Variants in TRPC3 observed in about 807,000 individuals in gnomAD.
TRPC3 encodes transient receptor potential cation channel subfamily C member 3.
In TRPC3, 54 loss-of-function variants were observed where a neutral mutation model predicts 90.9. The ratio of observed to expected loss-of-function variants is 0.59; its 90% CI spans 0.48 to 0.75. The LOEUF (loss-of-function observed/expected upper bound fraction) is 0.75. Ranked by LOEUF, TRPC3 falls within the 30% of genes least tolerant of loss-of-function variation. TRPC3 has a pLI of 0.00. For synonymous variants in TRPC3, 424 were observed against 450.9 expected, an observed-to-expected ratio of 0.94 and a Z score of 0.75; for missense variants, 918 against 1,194.5, an observed-to-expected ratio of 0.77 and a Z score of 3.41.
Position 121,877,617 on chromosome 4 carries a change from T to C in TRPC3, c.*2119A>G, listed in dbSNP as rs1051418479. 1.3e-5 allele frequency among the ~76,000 whole-genome samples: 2 copies of C among 151,014 alleles called. No homozygotes were observed. The highest frequency in any genetic ancestry group is 1.5e-5 in the Non-Finnish European group (1 of 67,994). On this transcript the variant is annotated 3_prime_UTR_variant, in exon 12 of 12. Coordinates refer to ENST00000379645, the MANE Select transcript of TRPC3 (RefSeq NM_001130698.2). The stretch of plus-strand genomic sequence containing the variant: ...GCATCTGGGCAGGGCATCAAAAACA[T>C]CAACCACACTCACTACACCTTGTCA...
intron 10 of TRPC3, among the ~76,000 whole-genome samples, chr4:121,884,258 T>A (rs1728035183): frequency 6.6e-6 from 1 of 152,032 alleles, no homozygotes. Flanking sequence ...TACTGACACA[T>A]ATAAGAAATT....
intron 1 of TRPC3, among the ~76,000 whole-genome samples, chr4:121,946,608 A>T (rs529259190): frequency 6.6e-6 from 1 of 152,324 alleles, no homozygotes; most frequent in Admixed American, 6.5e-5. Flanking sequence ...GATACATGTG[A>T]ACATAAATTC....
intron 10 of TRPC3, among the ~76,000 whole-genome samples, chr4:121,889,875 C>G (rs191283399): frequency 6.9e-4 from 105 of 152,252 alleles, no homozygotes; most frequent in African/African-American, 2.3e-3. Context: ...CCCATGTTTA[C>G]TGCAGCACTA....
chr4:121,926,964 C>T (rs1729740677), intron 2 of TRPC3, among the ~76,000 whole-genome samples: 1 of 152,136 alleles, frequency 6.6e-6, no homozygotes, highest in South Asian at 2.1e-4. Context: ...GATTCTGATA[C>T]ATGTTAAGTT....
intron 2 of TRPC3, among the ~76,000 whole-genome samples, chr4:121,929,847 CTCTT>C: frequency 6.6e-6 from 1 of 151,574 alleles, no homozygotes; most frequent in Middle Eastern, 3.4e-3. Flanking sequence ...AAAAAATCAC[CTCTT>C]TTTCACTAGG....
intron 1 of TRPC3, among the ~76,000 whole-genome samples, chr4:121,940,972 A>T (rs1730290211): frequency 6.6e-6 from 1 of 152,232 alleles, no homozygotes; most frequent in South Asian, 2.1e-4. Context: ...TAAAGACTTC[A>T]TCAGAATGCT....
At chr4:121,943,131 C>T (rs950227327) in intron 1 of TRPC3, among the ~76,000 whole-genome samples, 17 of 152,132 alleles carry the variant, frequency 1.1e-4, no homozygotes, top group African/African-American at 4.1e-4. Flanking sequence ...GGATGGGTGC[C>T]CAGATGCACG....
intron 1 of TRPC3, among the ~76,000 whole-genome samples, chr4:121,938,932 G>T (rs970965501): frequency 1.6e-4 from 24 of 151,824 alleles, no homozygotes; most frequent in Non-Finnish European, 5.9e-5. Flanking sequence ...TGACTTTCAG[G>T]GATGGTGACA....
chr4:121,917,499 G>C lies in TRPC3; in HGVS notation c.1177-2555C>G, dbSNP rs368048080. Reference sequence around the variant, plus strand: ...ATGATCCAGGCAGTATATTGGGCAAGTGTATTGGTACAAGAAGATAAAAAT... The same window carrying C: ...ATGATCCAGGCAGTATATTGGGCAACTGTATTGGTACAAGAAGATAAAAAT... On this transcript the variant is annotated intron_variant, in intron 3 of 11. Coordinates refer to ENST00000379645, the MANE Select transcript of TRPC3 (RefSeq NM_001130698.2). 3.6e-4 allele frequency among the ~76,000 whole-genome samples: 55 copies of C among 152,310 alleles called. 1 individual carries two copies. In the Middle Eastern group the frequency reaches 0.01, roughly 28 times the overall value.
intron 3 of TRPC3, among the ~76,000 whole-genome samples, chr4:121,921,524 A>G (rs1729511367): frequency 7.2e-6 from 1 of 139,128 alleles, no homozygotes; most frequent in Non-Finnish European, 1.5e-5. Context: ...TCCGTCTCAA[A>G]AAAAAAAAAA....
chr4:121,947,238 T>C (rs1009871340), intron 1 of TRPC3, among the ~76,000 whole-genome samples: 2 of 149,358 alleles, frequency 1.3e-5, no homozygotes, highest in Admixed American at 1.3e-4. Context: ...TCTAATGCCA[T>C]GCTGTGCTGT....
In TRPC3 at chr4:121,951,658, C is replaced by A; in HGVS notation, c.23G>T (p.Cys8Phe). The A allele has an allele frequency of 7.3e-7, 1 of 1,374,976 alleles. No individual in the cohort carries two copies. Among genetic ancestry groups the A allele is most frequent in the South Asian group, 1.8e-5 (1 of 56,096 alleles). The allele number at this position is 1,374,976 out of a possible 1,614,324, so 85.2% of individuals were successfully genotyped here. Reference sequence around the variant, plus strand: ...GAAGGTCACCCTTGCTTGTTCTTTGCACTTCCTGACCTTGGTGGACATCGC... The same window carrying A: ...GAAGGTCACCCTTGCTTGTTCTTTGAACTTCCTGACCTTGGTGGACATCGC... The part of the protein sequence containing the change: MSTKVRK[C>F]KEQARVTFPA... The change falls in exon 1 of 12, where the codon TGC becomes TTC. Residue 8 changes from cysteine to phenylalanine, a missense_variant. This residue lies in a region of TRPC3 where 609 missense variants were observed against 725.9 expected (regional missense o/e 0.84). Coordinates refer to ENST00000379645, the MANE Select transcript of TRPC3 (RefSeq NM_001130698.2). The surrounding 1 kb of genome is among the most constrained non-coding windows in gnomAD (Gnocchi z 4.4).
At chr4:121,892,636 C>A (rs1337817509) in intron 10 of TRPC3, among the ~76,000 whole-genome samples, 1 of 151,910 alleles carries the variant, frequency 6.6e-6, no homozygotes, top group Non-Finnish European at 1.5e-5. Context: ...GAGAACTGCA[C>A]CAAATTAATC....
At chr4:121,948,840 GT>G (rs10626464) in intron 1 of TRPC3, among the ~76,000 whole-genome samples, 16 of 148,012 alleles carry the variant, frequency 1.1e-4, no homozygotes, top group African/African-American at 2.2e-4. Context: ...ACTCTTTGCG[GT>G]TTTTTTTTTG....
Position 121,883,438 on chromosome 4 carries a change from A to C in TRPC3, c.2548-1009T>G, listed in dbSNP as rs527704278. Among the ~76,000 whole-genome samples, 4 of 152,302 alleles carry C rather than the reference A, an allele frequency of 2.6e-5. No individual in the cohort carries two copies. In the South Asian group the frequency reaches 8.3e-4, roughly 32 times the overall value. ...ATATATAAAGAACTTTAATTCAATA[A>C]GAAAAACTCAAATAACCCGATTTTA... On this transcript the variant is annotated intron_variant, in intron 10 of 11. Transcript: ENST00000379645.
chr4:121,882,307 C>A lies in TRPC3; in HGVS notation c.2623+47G>T, dbSNP rs199577368. 8.4e-6 allele frequency: 13 copies of A among 1,541,846 alleles called. No homozygotes were observed. The East Asian group carries it at 3.0e-4, about 36-fold the overall frequency. ...GCCTCAACATTAAGTTTTCCAGGTT[C>A]ATTAAGTTAGCTATAAAAGGATATT... On this transcript the variant is annotated intron_variant, in intron 11 of 11. Coordinates refer to ENST00000379645, the MANE Select transcript of TRPC3 (RefSeq NM_001130698.2).
intron 10 of TRPC3, among the ~76,000 whole-genome samples, 189 bp from the exon 11 acceptor site, chr4:121,882,618 G>A (rs2149103852): frequency 6.6e-6 from 1 of 152,182 alleles, no homozygotes; most frequent in Non-Finnish European, 1.5e-5. Context: ...GAGACTTACT[G>A]CATAATCCAC....
chr4:121,940,441 G>T (rs1008548039), intron 1 of TRPC3, among the ~76,000 whole-genome samples: 2 of 152,194 alleles, frequency 1.3e-5, no homozygotes, highest in Admixed American at 6.5e-5. Context: ...GATTACAGGA[G>T]CTACACGTTG....
rs374788554 is a variant in TRPC3, at chr4:121,910,102, G to T, written c.1792+52C>A. Reference sequence around the variant, plus strand: ...CAATTGGCATTTCCTTCCAAAATGTGGTTCCAATACCTTTCCCAAAACACA... The same window carrying T: ...CAATTGGCATTTCCTTCCAAAATGTTGTTCCAATACCTTTCCCAAAACACA... On this transcript the variant is annotated intron_variant, in intron 6 of 11. Coordinates refer to ENST00000379645, the MANE Select transcript of TRPC3 (RefSeq NM_001130698.2). 4 of 1,428,488 alleles carry T rather than the reference G, an allele frequency of 2.8e-6. No homozygotes were observed. The African/African-American group carries it at 5.6e-5, about 20-fold the overall frequency. 88.5% of individuals were successfully genotyped at this position (1,428,488 alleles called of 1,614,324 possible). A position where few individuals can be genotyped will look rare whatever the true frequency, so the allele number is the denominator to read the frequency against.
Sources: allele counts gnomAD v4.1 joint callset (sites outside exome capture counted in the v4.1 genomes callset), GRCh38; gene constraint gnomAD v4.1.1; regional missense constraint gnomAD v4.1.1; non-coding constraint Gnocchi (gnomAD v3.1); transcripts MANE v1.5; gene names NCBI Gene and HGNC (gene_info 2026-07-23, HGNC 2026-07-21).